Variants in FAM219A observed in about 807,000 individuals in gnomAD.
The protein encoded by FAM219A is protein FAM219A.
In FAM219A, 7 loss-of-function variants were observed where a neutral mutation model predicts 23.4. That is an observed-to-expected ratio of 0.30 (90% CI 0.17 to 0.56). The LOEUF is 0.56. FAM219A is among the 20% of genes least tolerant of loss of function. The pLI, the probability that FAM219A is intolerant of heterozygous loss-of-function variation, is 0.92. For missense variants in FAM219A, 166 were observed against 246.9 expected, an observed-to-expected ratio of 0.67 and a Z score of 2.20; for synonymous variants, 93 against 99.0, an observed-to-expected ratio of 0.94 and a Z score of 0.36.
chr9:34,436,094 C>T (rs988592602), intron 1 of FAM219A, among the ~76,000 whole-genome samples: 10 of 151,730 alleles, frequency 6.6e-5, no homozygotes, highest in Middle Eastern at 3.2e-3. Context: ...CATGAGCTGC[C>T]GTGCCCAGCC....
In FAM219A at chr9:34,399,813, G is replaced by C. The variant is rs546995216; in HGVS notation, c.*1151C>G. 1 of 152,310 alleles carries C rather than the reference G, an allele frequency of 6.6e-6. No homozygotes were observed. The highest frequency in any genetic ancestry group is 1.9e-4 in the East Asian group (1 of 5,190). The allele number at this position is 152,310 out of a possible 1,614,324, so 9.4% of individuals were successfully genotyped here. On this transcript the variant is annotated 3_prime_UTR_variant, in exon 6 of 6. Coordinates refer to ENST00000651358, the MANE Select transcript of FAM219A (RefSeq NM_001184940.2). Reference sequence around the variant, plus strand: ...ACCAGAACCCAGGCTTCTGACTCCCGGTCCAAGGCTGTCAGCCCATTGCAC... The same window carrying C: ...ACCAGAACCCAGGCTTCTGACTCCCCGTCCAAGGCTGTCAGCCCATTGCAC...
At chr9:34,411,548 G>A (rs1301583749) in intron 1 of FAM219A, among the ~76,000 whole-genome samples, 3 of 151,762 alleles carry the variant, frequency 2.0e-5, no homozygotes, top group African/African-American at 7.3e-5. Flanking sequence ...ACGGTGGTGG[G>A]CGCCTGTAGT....
intron 1 of FAM219A, among the ~76,000 whole-genome samples, chr9:34,435,488 AG>A (rs1022842593): frequency 3.7e-4 from 56 of 152,368 alleles, no homozygotes; most frequent in African/African-American, 1.1e-3. Context: ...AAATGCAAAA[AG>A]GTGAATACAG....
chr9:34,420,845 T>G (rs1267046773), intron 1 of FAM219A, among the ~76,000 whole-genome samples: 2 of 151,808 alleles, frequency 1.3e-5, no homozygotes, highest in Non-Finnish European at 2.9e-5. Context: ...CCGGGTGTGG[T>G]AGCATGTGCT....
intron 1 of FAM219A, among the ~76,000 whole-genome samples, chr9:34,438,104 C>T (rs1009495841): frequency 2.0e-5 from 3 of 152,230 alleles, no homozygotes; most frequent in African/African-American, 7.2e-5. Context: ...GGTCCCACAG[C>T]AGTGCCAGCC....
chr9:34,428,963 C>A (rs1282739321), intron 1 of FAM219A, among the ~76,000 whole-genome samples: 1 of 152,192 alleles, frequency 6.6e-6, no homozygotes, highest in African/African-American at 2.4e-5. Context: ...ATTTTTTCAC[C>A]CATAAATTCA....
intron 3 of FAM219A, 98 bp downstream of exon 3, chr9:34,402,607 G>A (rs749212126): frequency 6.4e-7 from 1 of 1,553,620 alleles, no homozygotes; most frequent in East Asian, 2.2e-5. Flanking sequence ...TCTCAGAGAG[G>A]AGCTGGGCCT....
chr9:34,440,949 G>C (rs960220273), intron 1 of FAM219A, among the ~76,000 whole-genome samples: 1 of 152,118 alleles, frequency 6.6e-6, no homozygotes, highest in South Asian at 2.1e-4. Flanking sequence ...ATAGCACTTA[G>C]AGCCTTTAAC....
chr9:34,405,567 T>C (rs1821602930), intron 2 of FAM219A, among the ~76,000 whole-genome samples: 1 of 152,204 alleles, frequency 6.6e-6, no homozygotes, highest in Non-Finnish European at 1.5e-5. Flanking sequence ...CAGTGTTTGA[T>C]GGGACTTCCA....
At chr9:34,430,466 T>C (rs752372549) in intron 1 of FAM219A, among the ~76,000 whole-genome samples, 1 of 148,932 alleles carries the variant, frequency 6.7e-6, no homozygotes, top group Non-Finnish European at 1.5e-5. Context: ...TGAAACCCCA[T>C]CTGTACTAAA....
At chr9:34,402,187 C>A in intron 4 of FAM219A, 200 bp downstream of exon 4, 1 of 1,510,152 alleles carries the variant, frequency 6.6e-7, no homozygotes, top group Middle Eastern at 1.9e-4. Flanking sequence ...GCAGGCCCCC[C>A]TTTCCTCTCT....
At chr9:34,401,867 A>T in intron 4 of FAM219A, 147 bp from the exon 5 acceptor site, 1 of 922,804 alleles carries the variant, frequency 1.1e-6, no homozygotes. Context: ...TTGCTGTGCA[A>T]ATGCAGGATT....
Position 34,398,586 on chromosome 9 carries a change from G to T in FAM219A, c.*2378C>A, listed in dbSNP as rs561299446. 1.6e-4 allele frequency: 92 copies of T among 578,172 alleles called. No individual in the cohort carries two copies. In the South Asian group the frequency reaches 1.7e-3, roughly 11 times the overall value. The allele number at this position is 578,172 out of a possible 1,614,324, so 35.8% of individuals were successfully genotyped here. ...TGCCAGGGAACTAGTATGTCCTGTG[G>T]GGGGGGAGATTTTCCCTGGTGTCTC... On this transcript the variant is annotated 3_prime_UTR_variant, in exon 6 of 6. Coordinates refer to ENST00000651358, the MANE Select transcript of FAM219A (RefSeq NM_001184940.2).
rs1821369456 is a variant in FAM219A, at chr9:34,400,236, A to G, written c.*728T>C. The G allele has an allele frequency of 6.6e-6, 1 of 152,002 alleles. No homozygotes were observed. The highest frequency in any genetic ancestry group is 2.4e-5 in the African/African-American group (1 of 41,334). 9.4% of individuals were successfully genotyped at this position (152,002 alleles called of 1,614,324 possible). On this transcript the variant is annotated 3_prime_UTR_variant, in exon 6 of 6. Transcript: ENST00000651358. ...TGGGGTGGGCTGGTGGCAGACAGAT[A>G]GATGCATTGGTGAGGGGCCAATTAG... is the stretch of plus-strand genomic sequence containing the variant.
intron 1 of FAM219A, among the ~76,000 whole-genome samples, chr9:34,409,372 GAA>G (rs1821746988): frequency 6.6e-6 from 1 of 152,204 alleles, no homozygotes; most frequent in Admixed American, 6.5e-5. Flanking sequence ...GTAAGTATCA[GAA>G]AAGACTCCAG....
At chr9:34,438,470 T>TCAG (rs1382964625) in intron 1 of FAM219A, among the ~76,000 whole-genome samples, 1 of 152,158 alleles carries the variant, frequency 6.6e-6, no homozygotes, top group African/African-American at 2.4e-5. Context: ...ACTACACCAA[T>TCAG]CAGCACCCTG....
At chr9:34,456,051 T>G (rs1823718932) in intron 1 of FAM219A, among the ~76,000 whole-genome samples, 1 of 152,018 alleles carries the variant, frequency 6.6e-6, no homozygotes, top group African/African-American at 2.4e-5. Flanking sequence ...AAATTAGCCA[T>G]GCGTGGTGGC....
chr9:34,427,852 C>T (rs768224387), intron 1 of FAM219A, among the ~76,000 whole-genome samples: 6 of 152,118 alleles, frequency 3.9e-5, no homozygotes, highest in African/African-American at 7.2e-5. Flanking sequence ...GTAGGAGTCC[C>T]CCAAACCCTC....
chr9:34,424,141 G>GT (rs1353498359), intron 1 of FAM219A, among the ~76,000 whole-genome samples: 1 of 152,138 alleles, frequency 6.6e-6, no homozygotes, highest in Non-Finnish European at 1.5e-5. Context: ...GAAGAATAAT[G>GT]TAAGACAGAG....
Sources: allele counts gnomAD v4.1 joint callset (sites outside exome capture counted in the v4.1 genomes callset), GRCh38; gene constraint gnomAD v4.1.1; transcripts MANE v1.5; gene names NCBI Gene and HGNC (gene_info 2026-07-23, HGNC 2026-07-21).